The following RAD18 variants were observed in gnomAD, a reference collection of about 807,000 sequenced individuals.
The protein encoded by RAD18 is RAD18 E3 ubiquitin protein ligase, also known as E3 ubiquitin-protein ligase RAD18.
RAD18 carries 47 observed loss-of-function variants against 60.4 expected under a neutral mutation model. The ratio of observed to expected loss-of-function variants is 0.78; its 90% confidence interval spans 0.62 to 0.99. The LOEUF is 0.99. RAD18 is among the 50% of genes least tolerant of loss of function. RAD18 has a pLI of 0.00. For missense variants in RAD18, 640 were observed against 593.3 expected (o/e 1.08, Z -0.82); for synonymous variants, 225 against 195.5 (o/e 1.15, Z -1.26).
chr3:8,914,366 T>C (rs1187533009), intron 7 of RAD18, among the ~76,000 whole-genome samples: 2 of 152,242 alleles, frequency 1.3e-5, no homozygotes, highest in African/African-American at 2.4e-5. Context: ...CCCTCATTTA[T>C]ACTTAAAAAT....
chr3:8,937,002 TTA>T (rs768900958), intron 6 of RAD18, among the ~76,000 whole-genome samples: 4 of 152,312 alleles, frequency 2.6e-5, no homozygotes, highest in African/African-American at 7.2e-5. Flanking sequence ...CCCAAATAAA[TTA>T]TGTCTTTTAT....
At chr3:8,927,013 T>C (rs1940452988) in intron 7 of RAD18, among the ~76,000 whole-genome samples, 1 of 152,000 alleles carries the variant, frequency 6.6e-6, no homozygotes, top group Admixed American at 6.5e-5. Flanking sequence ...GGACTTCATG[T>C]CTAAAACACC....
chr3:8,897,626 G>A (rs1299247800), intron 11 of RAD18, among the ~76,000 whole-genome samples: 2 of 152,090 alleles, frequency 1.3e-5, no homozygotes, highest in Admixed American at 1.3e-4. Context: ...GATTTCTATG[G>A]TATCAGTTAC....
intron 9 of RAD18, among the ~76,000 whole-genome samples, chr3:8,910,617 A>G (rs1575541935): frequency 6.6e-6 from 1 of 152,132 alleles, no homozygotes; most frequent in Non-Finnish European, 1.5e-5. Flanking sequence ...AAAAAAAAGA[A>G]CAACAGAATG....
In RAD18 at chr3:8,933,150, G is replaced by C. The variant is rs568512381; in HGVS notation, c.889+2721C>G. On this transcript the variant is annotated intron_variant, in intron 7 of 12. Coordinates refer to ENST00000264926, the MANE Select transcript of RAD18 (RefSeq NM_020165.4). ...AAAAATAAATGCACTACTGGTAAAAGCAACAACATGGAAAAATCTCAAAAG... is the reference window on the plus strand; with the variant it reads ...AAAAATAAATGCACTACTGGTAAAACCAACAACATGGAAAAATCTCAAAAG... 9.2e-5 allele frequency among the ~76,000 whole-genome samples: 14 copies of C among 151,930 alleles called. No homozygotes were observed. In the South Asian group the frequency reaches 2.7e-3, roughly 29 times the overall value.
intron 2 of RAD18, among the ~76,000 whole-genome samples, chr3:8,950,995 G>T (rs1055354250): frequency 3.9e-5 from 6 of 152,174 alleles, no homozygotes; most frequent in African/African-American, 1.2e-4. Flanking sequence ...CAGGAAAAAT[G>T]GAATAGAATA....
At chr3:8,955,857 G>A (rs1941001426) in intron 2 of RAD18, among the ~76,000 whole-genome samples, 1 of 152,152 alleles carries the variant, frequency 6.6e-6, no homozygotes, top group African/African-American at 2.4e-5. Context: ...CTATATGGTA[G>A]TGCCCCCTTA....
At chr3:8,957,469 A>G (rs1045400996) in intron 2 of RAD18, among the ~76,000 whole-genome samples, 1 of 152,208 alleles carries the variant, frequency 6.6e-6, no homozygotes, top group African/African-American at 2.4e-5. Flanking sequence ...ACAAGGATAG[A>G]CATATATGAG....
chr3:8,929,807 A>T (rs1211067850), intron 7 of RAD18, among the ~76,000 whole-genome samples: 1 of 152,080 alleles, frequency 6.6e-6, no homozygotes, highest in African/African-American at 2.4e-5. Flanking sequence ...ACGCCCAGCT[A>T]ATTTTTTGTA....
intron 7 of RAD18, among the ~76,000 whole-genome samples, chr3:8,922,234 C>T (rs2125059325): frequency 6.6e-6 from 1 of 152,354 alleles, no homozygotes. Flanking sequence ...GGGTCACTCC[C>T]ACCCTACTAC....
chr3:8,947,163 G>C, intron 4 of RAD18, 57 bp downstream of exon 4: 2 of 1,308,804 alleles, frequency 1.5e-6, no homozygotes, highest in Admixed American at 1.8e-5. Flanking sequence ...AAAGTAAAGA[G>C]AGAACACATA....
intron 9 of RAD18, among the ~76,000 whole-genome samples, chr3:8,909,492 TTGG>T (rs1226119960): frequency 6.7e-6 from 1 of 148,594 alleles, no homozygotes; most frequent in Non-Finnish European, 1.5e-5. Context: ...CTGACAGAAC[TTGG>T]TGGTGAACTG....
rs1039949069 is a variant in RAD18, at chr3:8,937,059, T to C, written c.705-1004A>G. On this transcript the variant is annotated intron_variant, in intron 6 of 12. Transcript: ENST00000264926. Reference sequence around the variant, plus strand: ...AAAGCCAGAAATAACTAATTAACTGTGAAAAGACCTGCAAACTCTCAATAG... The same window carrying C: ...AAAGCCAGAAATAACTAATTAACTGCGAAAAGACCTGCAAACTCTCAATAG... Among the ~76,000 whole-genome samples, 35 of 152,314 alleles carry C rather than the reference T, an allele frequency of 2.3e-4. 1 individual carries two copies. Among genetic ancestry groups the C allele is most frequent in the African/African-American group, 8.4e-4 (35 of 41,580 alleles).
At chr3:8,921,699 G>C (rs2125059039) in intron 7 of RAD18, among the ~76,000 whole-genome samples, 1 of 150,940 alleles carries the variant, frequency 6.6e-6, no homozygotes, top group East Asian at 2.0e-4. Context: ...CAAACACTGT[G>C]GAAATCCAGG....
intron 11 of RAD18, 91 bp from the exon 12 acceptor site, chr3:8,890,542 A>G: frequency 1.0e-6 from 1 of 986,140 alleles, no homozygotes; most frequent in South Asian, 1.6e-5. Flanking sequence ...AAATGAGTCT[A>G]TAGTGACAGA....
chr3:8,896,638 A>G (rs932697658), intron 11 of RAD18, among the ~76,000 whole-genome samples: 4 of 152,206 alleles, frequency 2.6e-5, no homozygotes, highest in African/African-American at 4.8e-5. Flanking sequence ...CACCTATTCA[A>G]CTGTTCAACG....
chr3:8,949,126 G>A (rs1254732416), intron 2 of RAD18, among the ~76,000 whole-genome samples: 2 of 152,054 alleles, frequency 1.3e-5, no homozygotes, highest in Admixed American at 6.5e-5. Flanking sequence ...GCATAATTCC[G>A]CATAATATAT....
chr3:8,939,736 T>A, intron 5 of RAD18, 83 bp from the exon 6 acceptor site: 1 of 1,184,338 alleles, frequency 8.4e-7, no homozygotes, highest in Non-Finnish European at 1.2e-6. Context: ...TTTCAGCAAG[T>A]AAAGTAAAAA....
intron 11 of RAD18, 36 bp downstream of exon 11, chr3:8,898,858 G>A: frequency 1.4e-6 from 2 of 1,476,108 alleles, no homozygotes; most frequent in Non-Finnish European, 1.8e-6. Context: ...ATATGAAGTA[G>A]ATATTTAAAA....
Sources: gnomAD v4.1 joint callset for allele counts (sites outside exome capture counted in the v4.1 genomes callset) on GRCh38, gnomAD v4.1.1 for gene constraint, MANE v1.5 for transcripts, NCBI Gene and HGNC (gene_info 2026-07-23, HGNC 2026-07-21) for gene names.